Variants in PLCL1 observed in about 807,000 individuals in gnomAD.
PLCL1 encodes the protein inactive phospholipase C-like protein 1.
In PLCL1, 41 loss-of-function variants were observed where a neutral mutation model predicts 84.4. The observed-to-expected ratio is 0.49, with a 90% CI of 0.38 to 0.63. PLCL1 has a LOEUF of 0.63. Ranked by LOEUF, PLCL1 falls within the 30% of genes least tolerant of loss-of-function variation. The pLI is 0.00. For missense variants in PLCL1, 1,206 were observed against 1,367.8 expected (o/e 0.88, Z 1.87); for synonymous variants, 490 against 488.3 (o/e 1.00, Z -0.05).
At chr2:197,988,851 G>T (rs1275485318) in intron 1 of PLCL1, among the ~76,000 whole-genome samples, 2 of 152,206 alleles carry the variant, frequency 1.3e-5, no homozygotes, top group Non-Finnish European at 1.5e-5. Flanking sequence ...CAGTGTATAA[G>T]TGTTCCCCTT....
At chr2:198,042,552 C>A (rs1035530498) in intron 1 of PLCL1, among the ~76,000 whole-genome samples, 1 of 152,070 alleles carries the variant, frequency 6.6e-6, no homozygotes, top group Non-Finnish European at 1.5e-5. Flanking sequence ...GTATTCAGTG[C>A]AGATTCAGTG....
chr2:197,956,242 A>G (rs1446499458), intron 1 of PLCL1, among the ~76,000 whole-genome samples: 2 of 152,072 alleles, frequency 1.3e-5, no homozygotes, highest in Non-Finnish European at 2.9e-5. Flanking sequence ...TGGGTTGGTT[A>G]CAAGTCTATG....
chr2:197,892,155 A>G (rs1457127169), intron 1 of PLCL1, among the ~76,000 whole-genome samples: 1 of 152,220 alleles, frequency 6.6e-6, no homozygotes, highest in Admixed American at 6.5e-5. Flanking sequence ...CAACCAATAC[A>G]TACATAACTC....
intron 1 of PLCL1, among the ~76,000 whole-genome samples, chr2:198,025,645 T>C (rs1691245579): frequency 6.6e-6 from 1 of 152,138 alleles, no homozygotes; most frequent in Admixed American, 6.6e-5. Flanking sequence ...GAATGTAAAA[T>C]GATATTTATA....
At chr2:197,834,989 G>A (rs1691153809) in intron 1 of PLCL1, among the ~76,000 whole-genome samples, 1 of 152,214 alleles carries the variant, frequency 6.6e-6, no homozygotes, top group Admixed American at 6.5e-5. Context: ...ATGAGTTCAT[G>A]TCCTTTGTAG....
chr2:197,868,225 G>A (rs1417921509), intron 1 of PLCL1, among the ~76,000 whole-genome samples: 1 of 152,118 alleles, frequency 6.6e-6, no homozygotes, highest in African/African-American at 2.4e-5. Context: ...TGTTCATATA[G>A]TCTTTTCCAT....
intron 1 of PLCL1, among the ~76,000 whole-genome samples, chr2:197,852,847 A>C (rs1256259036): frequency 6.6e-6 from 1 of 152,184 alleles, no homozygotes; most frequent in African/African-American, 2.4e-5. Flanking sequence ...ATGTCTGTCT[A>C]TCTGTATAAA....
At chr2:197,958,907 C>T (rs943186073) in intron 1 of PLCL1, among the ~76,000 whole-genome samples, 1 of 104,166 alleles carries the variant, frequency 9.6e-6, no homozygotes, top group Non-Finnish European at 2.1e-5. Context: ...TGCTCTTGTG[C>T]ACTAATCTGT....
Position 198,085,115 on chromosome 2 carries a change from T to A in PLCL1, c.1598T>A (p.Leu533Ter), listed in dbSNP as rs1371766668. ...SESYLPSPEK[L>*]KRMIIVKGKK... Reference sequence around the variant, plus strand: ...TCCTACCTCCCATCACCAGAAAAATTAAAAAGAATGATCATTGTGAAAGGA... The same window carrying A: ...TCCTACCTCCCATCACCAGAAAAATAAAAAAGAATGATCATTGTGAAAGGA... Residue 533 changes from leucine (L) to a stop codon, truncating the protein, a stop_gained, in exon 2 of 6, where the codon TTA (leucine) becomes TAA (stop). Transcript: ENST00000428675. LOFTEE classifies it high-confidence loss of function. The surrounding 1 kb of genome is among the most constrained non-coding windows in gnomAD (Gnocchi z 5.3). 1 of 1,613,914 alleles carries A rather than the reference T, an allele frequency of 6.2e-7. No individual in the cohort carries two copies.
Position 198,029,115 on chromosome 2 carries a change from A to G in PLCL1, c.241-54643A>G, listed in dbSNP as rs1011392448. On this transcript the variant is annotated intron_variant, in intron 1 of 5. Coordinates refer to ENST00000428675, the MANE Select transcript of PLCL1 (RefSeq NM_006226.4). ...TCATGATCTTCAGCAGGTGTTCAAG[A>G]ACTCTCTGATGCTGAGACTAAAAGT... Among the ~76,000 whole-genome samples, 4 of 152,276 alleles carry G rather than the reference A, an allele frequency of 2.6e-5. No homozygotes were observed. In the East Asian group the frequency reaches 7.7e-4, roughly 29 times the overall value.
At chr2:197,810,415 C>T (rs1365154897) in intron 1 of PLCL1, 1 of 475,804 alleles carries the variant, frequency 2.1e-6, no homozygotes, top group Non-Finnish European at 3.6e-6. Context: ...AGTTTGTTTT[C>T]CCTTTTGGAA....
At chr2:198,132,244 A>G (rs1188725962) in intron 5 of PLCL1, among the ~76,000 whole-genome samples, 1 of 152,098 alleles carries the variant, frequency 6.6e-6, no homozygotes, top group Non-Finnish European at 1.5e-5. Flanking sequence ...GATTGGCCAC[A>G]CTTGGGCTGT....
At chr2:197,943,200 A>C (rs1689197000) in intron 1 of PLCL1, among the ~76,000 whole-genome samples, 1 of 142,096 alleles carries the variant, frequency 7.0e-6, no homozygotes, top group South Asian at 2.1e-4. Flanking sequence ...CTCTCTCAAA[A>C]AAAAAAAAAA....
In PLCL1 at chr2:198,060,237, T is replaced by C. The variant is rs115518226; in HGVS notation, c.241-23521T>C. ...ATTCATTTCCTGCCATCTTCACCGC[T>C]GAAAAGTGTACTAACTTTAAGTGAC... On this transcript the variant is annotated intron_variant, in intron 1 of 5. Coordinates refer to ENST00000428675, the MANE Select transcript of PLCL1 (RefSeq NM_006226.4). Among the ~76,000 whole-genome samples the C allele has an allele frequency of 3.4e-3, 518 of 152,320 alleles. 3 individuals are homozygous for C. The highest frequency in any genetic ancestry group is 0.012 in the African/African-American group (487 of 41,568).
intron 1 of PLCL1, among the ~76,000 whole-genome samples, chr2:197,990,734 A>T (rs1690330116): frequency 6.6e-6 from 1 of 152,198 alleles, no homozygotes; most frequent in South Asian, 2.1e-4. Flanking sequence ...GTGGGGACAC[A>T]GCCAAACCAT....
Position 198,084,096 on chromosome 2 carries a change from C to T in PLCL1, c.579C>T (p.Leu193=), listed in dbSNP as rs375008949. The change falls in exon 2 of 6, where the codon CTC becomes CTT. Residue 193 remains leucine, a synonymous_variant. Coordinates refer to ENST00000428675, the MANE Select transcript of PLCL1 (RefSeq NM_006226.4). ...QICEDCAFSI[L]HGENYESLDL... ...GTGAGGACTGTGCCTTTTCCATACT[C>T]CACGGGGAAAACTATGAGTCTCTGG... The T allele has an allele frequency of 1.2e-6, 2 of 1,614,086 alleles. No homozygotes were observed. The highest frequency in any genetic ancestry group is 1.3e-5 in the African/African-American group (1 of 75,068).
intron 1 of PLCL1, among the ~76,000 whole-genome samples, chr2:198,071,592 A>G (rs902841323): frequency 5.3e-5 from 8 of 151,794 alleles, no homozygotes; most frequent in Non-Finnish European, 1.0e-4. Flanking sequence ...ATCTTTTTAT[A>G]TATTCTCTAA....
At chr2:198,124,340 TTGTC>T (rs1430806772) in intron 5 of PLCL1, among the ~76,000 whole-genome samples, 1 of 152,172 alleles carries the variant, frequency 6.6e-6, no homozygotes, top group Non-Finnish European at 1.5e-5. Context: ...ATAATTATAA[TTGTC>T]TGACCTTGAA....
Position 198,103,821 on chromosome 2 carries a change from T to G in PLCL1, c.2996-6T>G. On this transcript the variant is annotated splice_region_variant and splice_polypyrimidine_tract_variant and intron_variant, in intron 4 of 5. Transcript: ENST00000428675. ...CTCAGATTTCTTATGCATTCTTTCT[T>G]CAAAGGGATGGAGTTCCATGAAGAA... is the stretch of plus-strand genomic sequence containing the variant. 6.5e-7 allele frequency: 1 copy of G among 1,535,110 alleles called. No individual in the cohort carries two copies. Among genetic ancestry groups the G allele is most frequent in the Non-Finnish European group, 8.9e-7 (1 of 1,118,052 alleles).
Sources: allele counts gnomAD v4.1 joint callset (sites outside exome capture counted in the v4.1 genomes callset), GRCh38; gene constraint gnomAD v4.1.1; non-coding constraint Gnocchi (gnomAD v3.1); transcripts MANE v1.5; gene names NCBI Gene and HGNC (gene_info 2026-07-23, HGNC 2026-07-21).